Variants in SOX5 observed in about 807,000 individuals in gnomAD.
The protein encoded by SOX5 is transcription factor SOX-5.
In SOX5, 9 loss-of-function variants were observed where a neutral mutation model predicts 92.0. The observed-to-expected ratio is 0.10, with a 90% CI of 0.06 to 0.17. The LOEUF (loss-of-function observed/expected upper bound fraction) is 0.17, where lower values mean the gene tolerates loss of function less well. Ranked by LOEUF, SOX5 falls within the 10% of genes least tolerant of loss-of-function variation. The pLI is 1.00. For synonymous variants in SOX5, 344 were observed against 336.3 expected (o/e 1.02, Z -0.25); for missense variants, 642 against 944.5 (o/e 0.68, Z 4.20).
intron 4 of SOX5, among the ~76,000 whole-genome samples, chr12:24,000,863 G>A (rs1275436991): frequency 4.6e-5 from 7 of 151,980 alleles, no homozygotes; most frequent in African/African-American, 1.4e-4. Context: ...AAGATATATC[G>A]TGCATACAGA....
intron 4 of SOX5, among the ~76,000 whole-genome samples, chr12:24,171,608 T>C (rs1954178984): frequency 6.6e-6 from 1 of 152,170 alleles, no homozygotes; most frequent in African/African-American, 2.4e-5. Flanking sequence ...GAAACGGCTT[T>C]CATATGCGCT....
intron 2 of SOX5, among the ~76,000 whole-genome samples, chr12:24,357,736 T>C (rs1427850061): frequency 6.6e-6 from 1 of 151,210 alleles, no homozygotes; most frequent in Non-Finnish European, 1.5e-5. Flanking sequence ...CCAGCTACTC[T>C]GGAGGGTGAC....
At chr12:23,934,475 TAATA>T (rs1391089038) in intron 1 of SOX5, among the ~76,000 whole-genome samples, 2 of 148,900 alleles carry the variant, frequency 1.3e-5, no homozygotes, top group Admixed American at 6.8e-5. Context: ...TATATATTTA[TAATA>T]TATATGTCTA....
At chr12:23,743,500 C>T (rs543395793) in intron 4 of SOX5, among the ~76,000 whole-genome samples, 225 of 151,896 alleles carry the variant, frequency 1.5e-3, no homozygotes, top group East Asian at 5.4e-3. Context: ...TTAGTAGAGA[C>T]GGGATTTCAC....
chr12:24,175,131 T>C (rs750175054), intron 4 of SOX5, among the ~76,000 whole-genome samples: 3 of 152,362 alleles, frequency 2.0e-5, no homozygotes, highest in Non-Finnish European at 4.4e-5. Flanking sequence ...AATCATACTG[T>C]ACATGGCAAT....
At chr12:24,556,452 G>C (rs1953791953) in intron 1 of SOX5, among the ~76,000 whole-genome samples, 1 of 152,136 alleles carries the variant, frequency 6.6e-6, no homozygotes, top group African/African-American at 2.4e-5. Flanking sequence ...CAACCTACAA[G>C]TTTCTCTTTG....
chr12:23,884,821 G>C (rs1260551985), intron 2 of SOX5, among the ~76,000 whole-genome samples: 2 of 152,152 alleles, frequency 1.3e-5, no homozygotes, highest in Non-Finnish European at 2.9e-5. Flanking sequence ...GATTGGCTAA[G>C]ATAATCAATG....
At chr12:23,615,046 C>T (rs1463559280) in intron 8 of SOX5, among the ~76,000 whole-genome samples, 1 of 151,984 alleles carries the variant, frequency 6.6e-6, no homozygotes. Context: ...TCGTGATCCA[C>T]CTGCTTCGGC....
At chr12:23,918,858 A>G (rs774625081) in intron 1 of SOX5, among the ~76,000 whole-genome samples, 19 of 152,022 alleles carry the variant, frequency 1.2e-4, no homozygotes, top group African/African-American at 4.3e-4. Context: ...TGGAGGTTGC[A>G]GTGAGCCAAG....
chr12:24,433,151 C>T (rs1938694693), intron 1 of SOX5, among the ~76,000 whole-genome samples: 1 of 152,028 alleles, frequency 6.6e-6, no homozygotes, highest in African/African-American at 2.4e-5. Flanking sequence ...TATTTAAATG[C>T]CCTGACATGA....
At chr12:24,257,013 G>A (rs1344065915) in intron 3 of SOX5, among the ~76,000 whole-genome samples, 3 of 152,166 alleles carry the variant, frequency 2.0e-5, no homozygotes, top group African/African-American at 7.2e-5. Context: ...GAATACAATA[G>A]AGCACTTCTG....
At chr12:23,846,395 A>C (rs946290118) in intron 2 of SOX5, among the ~76,000 whole-genome samples, 1 of 152,228 alleles carries the variant, frequency 6.6e-6, no homozygotes, top group Admixed American at 6.5e-5. Context: ...GAAACCAAGA[A>C]ATTTCAAAAA....
intron 1 of SOX5, among the ~76,000 whole-genome samples, chr12:24,412,642 A>G (rs116610149): frequency 0.013 from 1,951 of 152,132 alleles, 37 homozygotes; most frequent in African/African-American, 0.043. Context: ...GTCAAAAAAT[A>G]TATCCCATAT....
At chr12:24,461,677 T>C (rs1458161628) in intron 1 of SOX5, among the ~76,000 whole-genome samples, 1 of 152,180 alleles carries the variant, frequency 6.6e-6, no homozygotes, top group Non-Finnish European at 1.5e-5. Context: ...TCAAACTTTA[T>C]GTAATAATAG....
chr12:23,866,063 A>C (rs994162428), intron 2 of SOX5, among the ~76,000 whole-genome samples: 1 of 152,232 alleles, frequency 6.6e-6, no homozygotes, highest in African/African-American at 2.4e-5. Context: ...GTTTCTTGAG[A>C]TGGAATCTAC....
At chr12:24,436,264 G>T (rs1017502785) in intron 1 of SOX5, among the ~76,000 whole-genome samples, 8 of 152,320 alleles carry the variant, frequency 5.3e-5, no homozygotes, top group Middle Eastern at 3.4e-3. Context: ...TGAAAGCTAG[G>T]ACTCTTGTGC....
intron 3 of SOX5, among the ~76,000 whole-genome samples, chr12:24,248,699 T>A (rs964651221): frequency 1.3e-5 from 2 of 152,184 alleles, no homozygotes; most frequent in Non-Finnish European, 2.9e-5. Context: ...TTTTCCTTTT[T>A]TTAAGCTTTG....
intron 1 of SOX5, among the ~76,000 whole-genome samples, chr12:24,471,967 T>C (rs1446141465): frequency 6.6e-6 from 1 of 152,168 alleles, no homozygotes; most frequent in Non-Finnish European, 1.5e-5. Flanking sequence ...GACTTTGAGT[T>C]GTTATCATGT....
At chr12:24,102,184 T>C (rs1025990312) in intron 4 of SOX5, among the ~76,000 whole-genome samples, 6 of 152,164 alleles carry the variant, frequency 3.9e-5, no homozygotes, top group Admixed American at 2.6e-4. Flanking sequence ...CTGCATGTTA[T>C]TTATCTCTTG....
Sources: allele counts gnomAD v4.1 joint callset (sites outside exome capture counted in the v4.1 genomes callset), GRCh38; gene constraint gnomAD v4.1.1; transcripts MANE v1.5; gene names NCBI Gene and HGNC (gene_info 2026-07-23, HGNC 2026-07-21).